The following NEK10 variants were observed in gnomAD, a reference collection of about 807,000 sequenced individuals.
NEK10 encodes serine/threonine-protein kinase Nek10.
NEK10 carries 122 observed loss-of-function variants against 159.8 expected under a neutral mutation model. That is an observed-to-expected ratio of 0.76 (90% CI 0.66 to 0.89). The LOEUF (loss-of-function observed/expected upper bound fraction) is 0.89. Among genes scored for constraint, NEK10 ranks in the 40% least tolerant of loss-of-function variants. The probability of loss-of-function intolerance (pLI) is 0.00; values close to 1 mark genes in which losing one functional copy is unlikely to be tolerated. For missense variants in NEK10, 1,342 were observed against 1,323.1 expected, an observed-to-expected ratio of 1.01 and a Z score of -0.22; for synonymous variants, 466 against 457.1, an observed-to-expected ratio of 1.02 and a Z score of -0.25.
chr3:27,301,663 A>C, intron 13 of NEK10, 33 bp downstream of exon 13: 2 of 1,426,604 alleles, frequency 1.4e-6, no homozygotes, highest in Non-Finnish European at 9.7e-7. Flanking sequence ...AACACAATAA[A>C]TTATAGCATA....
chr3:27,307,999 G>A, intron 10 of NEK10, 54 bp from the exon 11 acceptor site: 2 of 851,840 alleles, frequency 2.3e-6, no homozygotes, highest in Non-Finnish European at 4.0e-6. Flanking sequence ...CTAGATCCAT[G>A]TATTAGTCCT....
chr3:27,191,944 G>T, intron 26 of NEK10, 85 bp downstream of exon 26: 3 of 1,159,524 alleles, frequency 2.6e-6, no homozygotes, highest in Non-Finnish European at 3.8e-6. Flanking sequence ...TCTAACTTTT[G>T]ATGAATGTTC....
At chr3:27,183,707 T>C (rs1230464663) in intron 26 of NEK10, among the ~76,000 whole-genome samples, 1 of 152,110 alleles carries the variant, frequency 6.6e-6, no homozygotes, top group Non-Finnish European at 1.5e-5. Context: ...TTATCTGGCA[T>C]ATATAAAGAA....
chr3:27,311,852 T>G (rs1036216479), intron 8 of NEK10: 5 of 427,660 alleles, frequency 1.2e-5, no homozygotes, highest in Admixed American at 4.3e-5. Context: ...TACCAAAATT[T>G]GCTTTTATGG....
At chr3:27,154,424 G>A (rs1945200486) in intron 30 of NEK10, among the ~76,000 whole-genome samples, 2 of 152,052 alleles carry the variant, frequency 1.3e-5, no homozygotes, top group African/African-American at 4.8e-5. Flanking sequence ...AGAGAAAGAG[G>A]GAACCCTCCC....
chr3:27,315,387 C>T (rs1429542882), intron 6 of NEK10, among the ~76,000 whole-genome samples: 2 of 152,070 alleles, frequency 1.3e-5, no homozygotes, highest in African/African-American at 4.8e-5. Flanking sequence ...ATAAAGTGAA[C>T]TTGGAAATAC....
rs1435775685 is a variant in NEK10, at chr3:27,311,021, A to G, written c.569-5T>C. On this transcript the variant is annotated splice_polypyrimidine_tract_variant and splice_region_variant and intron_variant, in intron 8 of 35. Coordinates refer to ENST00000691995, the MANE Select transcript of NEK10 (RefSeq NM_001394966.1). Reference sequence around the variant, plus strand: ...CAGCAAGTTTTTGAAAAATATCTATAAAGGAAAGAAAGAGCGCAAAGAGGC... The same window carrying G: ...CAGCAAGTTTTTGAAAAATATCTATGAAGGAAAGAAAGAGCGCAAAGAGGC... 1 of 1,595,976 alleles carries G rather than the reference A, an allele frequency of 6.3e-7. No individual in the cohort carries two copies. The highest frequency in any genetic ancestry group is 8.6e-7 in the Non-Finnish European group (1 of 1,164,010).
rs761764700 is a variant in NEK10, at chr3:27,210,724, ATCTG to A, written c.2091-8171_2091-8168del. ...TAATTTCTATACCTTTCTCCTATCA[ATCTG>A]TCTATTATGCATTTGTTTTATAGAC... On this transcript the variant is annotated intron_variant, in intron 23 of 35. Transcript: ENST00000691995. Among the ~76,000 whole-genome samples, 10 of 152,300 alleles carry A rather than the reference ATCTG, an allele frequency of 6.6e-5. No individual in the cohort carries two copies. The East Asian group carries it at 1.4e-3, about 21-fold the overall frequency.
At chr3:27,253,472 A>G (rs1396986181) in intron 23 of NEK10, among the ~76,000 whole-genome samples, 1 of 152,226 alleles carries the variant, frequency 6.6e-6, no homozygotes, top group African/African-American at 2.4e-5. Context: ...TACCTGCCTA[A>G]TAATAAATCA....
intron 9 of NEK10, chr3:27,309,913 CTG>C (rs771299768): frequency 6.6e-6 from 1 of 152,162 alleles, no homozygotes; most frequent in Non-Finnish European, 1.5e-5. Flanking sequence ...AGCTGGAAGT[CTG>C]TAGCTTGTCA....
intron 6 of NEK10, among the ~76,000 whole-genome samples, chr3:27,314,581 C>T (rs140935571): frequency 4.5e-4 from 69 of 152,112 alleles, no homozygotes; most frequent in African/African-American, 1.5e-3. Context: ...CGCAGCCTGC[C>T]CCTTCATTCT....
chr3:27,215,335 A>G (rs1377537662), intron 23 of NEK10, among the ~76,000 whole-genome samples: 1 of 152,200 alleles, frequency 6.6e-6, no homozygotes, highest in Non-Finnish European at 1.5e-5. Context: ...GAGAGAATAA[A>G]CTATTTTAGC....
At chr3:27,205,929 A>C (rs954362749) in intron 23 of NEK10, among the ~76,000 whole-genome samples, 1 of 150,224 alleles carries the variant, frequency 6.7e-6, no homozygotes, top group East Asian at 1.9e-4. Flanking sequence ...GCAACCTACA[A>C]AATGGGAGAA....
In NEK10 at chr3:27,309,093, A is replaced by G. The variant is rs954038679; in HGVS notation, c.637-88T>C. On this transcript the variant is annotated intron_variant, in intron 9 of 35. Transcript: ENST00000691995. ...TAACATTAATTTATTTTCCATTACCAGCTGCTTGAATGACAAAATGCTTCC... is the reference window on the plus strand; with the variant it reads ...TAACATTAATTTATTTTCCATTACCGGCTGCTTGAATGACAAAATGCTTCC... 4 of 676,534 alleles carry G rather than the reference A, an allele frequency of 5.9e-6. No individual in the cohort carries two copies. The Admixed American group carries it at 7.6e-5, about 13-fold the overall frequency. The allele number at this position is 676,534 out of a possible 1,614,324, so 41.9% of individuals were successfully genotyped here.
chr3:27,215,615 G>A (rs1392355960), intron 23 of NEK10: 3 of 462,498 alleles, frequency 6.5e-6, no homozygotes, highest in Non-Finnish European at 1.2e-5. Flanking sequence ...CTGAAATAAG[G>A]ATTGTACTTT....
chr3:27,338,954 T>C (rs58819751), intron 5 of NEK10, among the ~76,000 whole-genome samples: 4,501 of 152,180 alleles, frequency 0.03, 226 homozygotes, highest in African/African-American at 0.1. Context: ...AACTATAATA[T>C]ACTAAAAACT....
At chr3:27,158,182 T>C (rs1163916082) in intron 30 of NEK10, among the ~76,000 whole-genome samples, 1 of 152,144 alleles carries the variant, frequency 6.6e-6, no homozygotes, top group African/African-American at 2.4e-5. Flanking sequence ...TACAATCTGG[T>C]TGGAAAACAT....
intron 9 of NEK10, 45 bp from the exon 10 acceptor site, chr3:27,309,050 A>C (rs759080910): frequency 2.0e-6 from 2 of 986,876 alleles, no homozygotes; most frequent in Non-Finnish European, 1.6e-6. Flanking sequence ...AAGTACTACA[A>C]GCTTCTTTTT....
chr3:27,186,065 G>A (rs11717372), intron 26 of NEK10, among the ~76,000 whole-genome samples: 34,731 of 152,142 alleles, frequency 0.23, 4,289 homozygotes, highest in Middle Eastern at 0.37. Context: ...CAAGGGAGGA[G>A]AATCCATTCA....
Sources: gnomAD v4.1 joint callset for allele counts (sites outside exome capture counted in the v4.1 genomes callset) on GRCh38, gnomAD v4.1.1 for gene constraint, MANE v1.5 for transcripts, NCBI Gene and HGNC (gene_info 2026-07-23, HGNC 2026-07-21) for gene names.